Variants in CKAP5 observed in about 807,000 individuals in gnomAD.
The protein encoded by CKAP5 is cytoskeleton-associated protein 5.
Under a neutral mutation model 232.8 loss-of-function variants are expected in CKAP5, and 27 were observed. The ratio of observed to expected loss-of-function variants is 0.12; its 90% CI spans 0.09 to 0.16. The LOEUF is 0.16. Among genes scored for constraint, CKAP5 ranks in the 10% least tolerant of loss-of-function variants. The probability of loss-of-function intolerance (pLI) is 1.00; values close to 1 mark genes in which losing one functional copy is unlikely to be tolerated. For synonymous variants in CKAP5, 785 were observed against 841.1 expected (o/e 0.93, Z 1.16); for missense variants, 1,838 against 2,424.7 (o/e 0.76, Z 5.08).
chr11:46,778,082 T>C (rs2065305930), intron 22 of CKAP5, 57 bp downstream of exon 22: 2 of 1,435,260 alleles, frequency 1.4e-6, no homozygotes, highest in Non-Finnish European at 1.9e-6. Flanking sequence ...ACTGAAAAGG[T>C]AACTCCTGCA....
chr11:46,813,497 A>G (rs957772846), intron 4 of CKAP5, among the ~76,000 whole-genome samples: 3 of 152,200 alleles, frequency 2.0e-5, no homozygotes, highest in Admixed American at 1.3e-4. Flanking sequence ...TTACTATAGA[A>G]AACACAAAAG....
chr11:46,816,280 G>T lies in CKAP5; in HGVS notation c.376C>A (p.Gln126Lys). Reference protein sequence around the residue: ...YIEIEKGEAVQEELLKGLDNK... With the variant: ...YIEIEKGEAVKEELLKGLDNK... Reference sequence around the variant, plus strand: ...TCCAAGCCTTTCAGGAGCTCTTCTTGAACAGCCTCTCCTTTCTCAATCTCT... The same window carrying T: ...TCCAAGCCTTTCAGGAGCTCTTCTTTAACAGCCTCTCCTTTCTCAATCTCT... Residue 126 changes from glutamine (Q) to lysine (K), a missense_variant, in exon 4 of 44, where the codon CAA becomes AAA. Coordinates refer to ENST00000529230, the MANE Select transcript of CKAP5 (RefSeq NM_001008938.4). The T allele has an allele frequency of 6.2e-7, 1 of 1,614,104 alleles. No homozygotes were observed.
rs766269795 is a variant in CKAP5 at position 46,758,988 on chromosome 11, T to C, written c.4624A>G (p.Ile1542Val). 11 of 1,613,480 alleles carry C rather than the reference T, an allele frequency of 6.8e-6. No individual in the cohort carries two copies. Among genetic ancestry groups the C allele is most frequent in the East Asian group, 2.2e-5 (1 of 44,870 alleles). Residue 1542 changes from isoleucine (I) to valine (V), a missense_variant, in exon 35 of 44, where the codon ATC (isoleucine) becomes GTC (valine). By Grantham distance (29) the Ile-to-Val change is conservative (BLOSUM62 3). Coordinates refer to ENST00000529230, the MANE Select transcript of CKAP5 (RefSeq NM_001008938.4). ...GCTACTTGGGAGATAATGAAATTGA[T>C]TGTGGATGCTGTATTACTGTGCATG... ...DDMHSNTAST[I>V]NFIISQVASG... is the part of the protein sequence containing the mutation.
intron 24 of CKAP5, among the ~76,000 whole-genome samples, chr11:46,775,717 T>C (rs1342246121): frequency 6.6e-6 from 1 of 151,384 alleles, no homozygotes; most frequent in Non-Finnish European, 1.5e-5. Context: ...CAAACTAACA[T>C]AGGAACAGAA....
rs756655142 is a variant in CKAP5 at position 46,778,591 on chromosome 11, T to C, written c.2442A>G (p.Gly814=). 6.2e-7 allele frequency: 1 copy of C among 1,613,630 alleles called. No homozygotes were observed. The highest frequency in any genetic ancestry group is 1.3e-5 in the African/African-American group (1 of 74,920). The change falls in exon 21 of 44, where the codon GGA becomes GGG. Residue 814 remains glycine (G), a synonymous_variant. Coordinates refer to ENST00000529230, the MANE Select transcript of CKAP5 (RefSeq NM_001008938.4). ...CTCTGGTTGGAGCAGGTGGACTTTGTCCCTGCATCTATACACAAATGAATG... is the reference window on the plus strand; with the variant it reads ...CTCTGGTTGGAGCAGGTGGACTTTGCCCCTGCATCTATACACAAATGAATG... The part of the protein sequence containing the change: ...QIDAEFEKMQ[G]QSPPAPTRGI...
In CKAP5 at chr11:46,798,189, CT is replaced by C. The variant is rs779183585; in HGVS notation, c.1084-18del. On this transcript the variant is annotated intron_variant, in intron 9 of 43. Coordinates refer to ENST00000529230, the MANE Select transcript of CKAP5 (RefSeq NM_001008938.4). ...TGGCACAACCTGTAAAAGTGAATGG[CT>C]AGCACATTATTCAGCAACAAAGAGG... 10 of 1,537,948 alleles carry C rather than the reference CT, an allele frequency of 6.5e-6. No individual in the cohort carries two copies. Among genetic ancestry groups the C allele is most frequent in the Non-Finnish European group, 9.0e-6 (10 of 1,111,668 alleles).
chr11:46,844,865 C>G (rs1199508917), intron 1 of CKAP5, among the ~76,000 whole-genome samples: 3 of 151,814 alleles, frequency 2.0e-5, no homozygotes, highest in Admixed American at 2.0e-4. Flanking sequence ...CATGTTGGCC[C>G]GACTGGTCTC....
rs771739202 is a variant in CKAP5 at position 46,744,092 on chromosome 11, G to A, written c.6030C>T (p.Ser2010=). Residue 2010 remains serine (S), a synonymous_variant, in exon 44 of 44, where the codon TCC becomes TCT. Transcript: ENST00000529230. Reference sequence around the variant, plus strand: ...CGTCTATGTTAGCTGTGGAGGAGGAGGAGGTCACAGTTCCTGAAGAGTGAG... The same window carrying A: ...CGTCTATGTTAGCTGTGGAGGAGGAAGAGGTCACAGTTCCTGAAGAGTGAG... ...NQTHSSGTVT[S]SSSTANIDDL... 33 of 1,613,884 alleles carry A rather than the reference G, an allele frequency of 2.0e-5. No homozygotes were observed. The highest frequency in any genetic ancestry group is 2.6e-5 in the Non-Finnish European group (31 of 1,180,022).
chr11:46,811,297 G>T (rs1452306911), intron 4 of CKAP5, 119 bp from the exon 5 acceptor site: 1 of 809,938 alleles, frequency 1.2e-6, no homozygotes. Flanking sequence ...TATAAGTTCA[G>T]TTTTTTTTAA....
intron 1 of CKAP5, among the ~76,000 whole-genome samples, chr11:46,834,711 A>G (rs1383480289): frequency 6.6e-6 from 1 of 152,184 alleles, no homozygotes; most frequent in Non-Finnish European, 1.5e-5. Context: ...CAAGGGGACT[A>G]TCCATAGGTT....
At chr11:46,797,224 G>A (rs920546127) in intron 11 of CKAP5, among the ~76,000 whole-genome samples, 56 of 151,966 alleles carry the variant, frequency 3.7e-4, no homozygotes, top group African/African-American at 1.0e-3. Flanking sequence ...AAAACTAGCC[G>A]GGCGTGGTGG....
At chr11:46,824,401 T>C (rs1244479857) in intron 1 of CKAP5, among the ~76,000 whole-genome samples, 1 of 152,176 alleles carries the variant, frequency 6.6e-6, no homozygotes, top group Non-Finnish European at 1.5e-5. Flanking sequence ...ACACATGCCC[T>C]ACCACCCAGC....
chr11:46,763,665 G>A (rs373129970), intron 28 of CKAP5, 35 bp from the exon 29 acceptor site: 6 of 1,446,266 alleles, frequency 4.1e-6, no homozygotes, highest in Admixed American at 2.6e-5. Flanking sequence ...GGGCTACAGG[G>A]TGTTCAACTG....
At chr11:46,815,992 G>C (rs561484929) in intron 4 of CKAP5, among the ~76,000 whole-genome samples, 1 of 152,236 alleles carries the variant, frequency 6.6e-6, no homozygotes, top group East Asian at 1.9e-4. Context: ...TCTCATACGA[G>C]TGCAAACCCT....
At chr11:46,770,632 T>C (rs1196514005) in intron 25 of CKAP5, among the ~76,000 whole-genome samples, 156 bp downstream of exon 25, 2 of 152,244 alleles carry the variant, frequency 1.3e-5, no homozygotes, top group African/African-American at 4.8e-5. Context: ...TTTCACCATG[T>C]TGGCCAGGCT....
At chr11:46,794,658 C>T (rs989805041) in intron 13 of CKAP5, among the ~76,000 whole-genome samples, 1 of 151,552 alleles carries the variant, frequency 6.6e-6, no homozygotes, top group East Asian at 2.0e-4. Context: ...GGCAACACAG[C>T]GAGGCCCTCT....
At chr11:46,814,093 C>T (rs989328202) in intron 4 of CKAP5, among the ~76,000 whole-genome samples, 3 of 145,166 alleles carry the variant, frequency 2.1e-5, no homozygotes, top group African/African-American at 5.2e-5. Context: ...GATCGTACCA[C>T]TGCACTCCAG....
At chr11:46,798,300 C>T (rs1351659885) in intron 9 of CKAP5, 128 bp from the exon 10 acceptor site, 1 of 691,510 alleles carries the variant, frequency 1.4e-6, no homozygotes, top group South Asian at 1.8e-5. Flanking sequence ...ACAGGCTGGG[C>T]ACAGTGACTC....
intron 28 of CKAP5, among the ~76,000 whole-genome samples, chr11:46,764,542 T>C (rs1486940998): frequency 1.3e-5 from 2 of 152,206 alleles, no homozygotes; most frequent in Non-Finnish European, 2.9e-5. Context: ...TGTCTGTATA[T>C]GCCATCTGTA....
Sources: gnomAD v4.1 joint callset for allele counts (sites outside exome capture counted in the v4.1 genomes callset) on GRCh38, gnomAD v4.1.1 for gene constraint, MANE v1.5 for transcripts, NCBI Gene and HGNC (gene_info 2026-07-23, HGNC 2026-07-21) for gene names.